RIMS2: variants seen among roughly 807,000 people sequenced by gnomAD.
RIMS2 encodes the protein regulating synaptic membrane exocytosis 2, also known as regulating synaptic membrane exocytosis protein 2.
Under a neutral mutation model 174.4 loss-of-function variants are expected in RIMS2, and 59 were observed. That is an observed-to-expected ratio of 0.34 (90% CI 0.27 to 0.42). The LOEUF is 0.42. Among genes scored for constraint, RIMS2 ranks in the 10% least tolerant of loss-of-function variants. The pLI, the probability that RIMS2 is intolerant of heterozygous loss-of-function variation, is 1.00. For synonymous variants in RIMS2, 606 were observed against 572.5 expected (o/e 1.06, Z -0.84); for missense variants, 1,620 against 1,666.3 (o/e 0.97, Z 0.48).
At chr8:103,562,131 G>C (rs1172685121) in intron 1 of RIMS2, among the ~76,000 whole-genome samples, 1 of 152,024 alleles carries the variant, frequency 6.6e-6, no homozygotes, top group Non-Finnish European at 1.5e-5. Flanking sequence ...TTCACCCCTG[G>C]TCATTTCCAA....
chr8:104,233,110 AG>A (rs1156708343), intron 19 of RIMS2, among the ~76,000 whole-genome samples: 2 of 152,212 alleles, frequency 1.3e-5, no homozygotes, highest in Non-Finnish European at 2.9e-5. Context: ...AAGAAATCTA[AG>A]GTAAAGAAGA....
At chr8:103,782,608 C>T (rs1489428278) in intron 3 of RIMS2, among the ~76,000 whole-genome samples, 1 of 152,152 alleles carries the variant, frequency 6.6e-6, no homozygotes, top group Non-Finnish European at 1.5e-5. Flanking sequence ...TACAAAGTTA[C>T]ACTTCTATCA....
intron 19 of RIMS2, among the ~76,000 whole-genome samples, chr8:104,148,397 T>C (rs1186057788): frequency 1.3e-5 from 2 of 152,138 alleles, no homozygotes; most frequent in African/African-American, 2.4e-5. Flanking sequence ...AGAAATAAAA[T>C]CATAAATCTG....
At chr8:103,610,316 T>A (rs201244214) in intron 1 of RIMS2, among the ~76,000 whole-genome samples, 5 of 152,096 alleles carry the variant, frequency 3.3e-5, no homozygotes, top group Non-Finnish European at 7.4e-5. Flanking sequence ...TTTGGATGCC[T>A]TTTATTTCTT....
At position 103,761,126 on chromosome 8, in the gene RIMS2, C is replaced by T. The variant is rs986132420; in HGVS notation, c.388-5101C>T. On this transcript the variant is annotated intron_variant, in intron 2 of 23. Transcript: ENST00000504942. ...TTTGGCATTTTCCAATTTATTTAGTCTAAATACATCCACCACAGCTGATTT... is the reference window on the plus strand; with the variant it reads ...TTTGGCATTTTCCAATTTATTTAGTTTAAATACATCCACCACAGCTGATTT... Among the ~76,000 whole-genome samples, 6 of 152,102 alleles carry T rather than the reference C, an allele frequency of 3.9e-5. No homozygotes were observed. In the East Asian group the frequency reaches 9.6e-4, roughly 24 times the overall value.
intron 19 of RIMS2, among the ~76,000 whole-genome samples, chr8:104,040,633 A>G (rs2096592647): frequency 1.3e-5 from 2 of 151,782 alleles, no homozygotes; most frequent in Admixed American, 1.3e-4. Flanking sequence ...ATATGATCAA[A>G]GAAAATTTGT....
At chr8:103,755,134 A>C (rs985858663) in intron 2 of RIMS2, among the ~76,000 whole-genome samples, 4 of 152,178 alleles carry the variant, frequency 2.6e-5, no homozygotes, top group African/African-American at 9.7e-5. Flanking sequence ...GTGGTGACAA[A>C]ATCTCTCAGC....
At chr8:104,141,899 A>T (rs2098580431) in intron 19 of RIMS2, among the ~76,000 whole-genome samples, 1 of 151,972 alleles carries the variant, frequency 6.6e-6, no homozygotes, top group African/African-American at 2.4e-5. Flanking sequence ...TTGTTATTTT[A>T]TTCCATCTTA....
intron 17 of RIMS2, among the ~76,000 whole-genome samples, chr8:104,001,586 T>C (rs2095390651): frequency 6.6e-6 from 1 of 151,844 alleles, no homozygotes; most frequent in African/African-American, 2.4e-5. Flanking sequence ...AATGCTATGC[T>C]GAGTTTGCAG....
intron 19 of RIMS2, among the ~76,000 whole-genome samples, chr8:104,190,030 A>C (rs891584403): frequency 6.6e-6 from 1 of 152,020 alleles, no homozygotes; most frequent in Non-Finnish European, 1.5e-5. Context: ...ATATTACAGC[A>C]TGGTGGCTCA....
chr8:104,110,841 C>T (rs1028143731), intron 19 of RIMS2, among the ~76,000 whole-genome samples: 1 of 152,124 alleles, frequency 6.6e-6, no homozygotes, highest in African/African-American at 2.4e-5. Flanking sequence ...CTGAGATGCA[C>T]TATAATAAAG....
chr8:103,678,362 T>C (rs1193673888), intron 1 of RIMS2, among the ~76,000 whole-genome samples: 1 of 152,192 alleles, frequency 6.6e-6, no homozygotes, highest in East Asian at 1.9e-4. Flanking sequence ...AAAGCAATTC[T>C]CATGACTTTT....
intron 3 of RIMS2, among the ~76,000 whole-genome samples, chr8:103,861,726 A>G (rs1048424012): frequency 1.3e-5 from 2 of 151,876 alleles, no homozygotes; most frequent in Non-Finnish European, 2.9e-5. Context: ...TTCTCTGATG[A>G]TTGGTGGTGT....
intron 19 of RIMS2, among the ~76,000 whole-genome samples, chr8:104,178,578 G>T (rs1297727433): frequency 1.3e-5 from 2 of 152,136 alleles, no homozygotes; most frequent in Non-Finnish European, 2.9e-5. Flanking sequence ...CTAGTCTAGT[G>T]TTTGAATAGC....
At chr8:104,134,301 C>A (rs1478661398) in intron 19 of RIMS2, among the ~76,000 whole-genome samples, 9 of 152,020 alleles carry the variant, frequency 5.9e-5, no homozygotes. Flanking sequence ...CTCATCTCTA[C>A]TAAAAATACA....
chr8:103,965,535 T>C (rs2091574453), intron 15 of RIMS2, among the ~76,000 whole-genome samples: 1 of 152,162 alleles, frequency 6.6e-6, no homozygotes, highest in South Asian at 2.1e-4. Context: ...TGGAGCTTTT[T>C]GTTTCTTTGT....
intron 1 of RIMS2, among the ~76,000 whole-genome samples, chr8:103,582,666 G>A (rs568056932): frequency 7.2e-5 from 11 of 152,248 alleles, no homozygotes; most frequent in South Asian, 4.2e-4. Context: ...CCTTGTGGCT[G>A]GGGGTAATAA....
intron 1 of RIMS2, among the ~76,000 whole-genome samples, chr8:103,659,968 C>G (rs1402855470): frequency 1.3e-5 from 2 of 152,242 alleles, no homozygotes; most frequent in African/African-American, 4.8e-5. Context: ...GGGCTCCCGC[C>G]TGGATGGTCT....
intron 1 of RIMS2, among the ~76,000 whole-genome samples, chr8:103,615,766 G>A (rs746333585): frequency 1.3e-5 from 2 of 152,180 alleles, no homozygotes; most frequent in East Asian, 1.9e-4. Flanking sequence ...GAACTAGAAC[G>A]CTTAGAAGAG....
Sources: gnomAD v4.1 joint callset for allele counts (sites outside exome capture counted in the v4.1 genomes callset) on GRCh38, gnomAD v4.1.1 for gene constraint, MANE v1.5 for transcripts, NCBI Gene and HGNC (gene_info 2026-07-23, HGNC 2026-07-21) for gene names.